Variants in HDAC4 observed in about 807,000 individuals in gnomAD.
HDAC4 encodes the protein histone deacetylase 4.
Under a neutral mutation model 135.1 loss-of-function variants are expected in HDAC4, and 16 were observed. That is an observed-to-expected ratio of 0.12 (90% CI 0.08 to 0.18). The LOEUF (loss-of-function observed/expected upper bound fraction) is 0.18, where lower values mean the gene tolerates loss of function less well. HDAC4 is among the 10% of genes least tolerant of loss of function. The pLI, the probability that HDAC4 is intolerant of heterozygous loss-of-function variation, is 1.00. For missense variants in HDAC4, 1,143 were observed against 1,511.8 expected, an observed-to-expected ratio of 0.76 and a Z score of 4.05; for synonymous variants, 685 against 653.4, an observed-to-expected ratio of 1.05 and a Z score of -0.74.
intron 12 of HDAC4, among the ~76,000 whole-genome samples, chr2:239,120,166 C>T (rs771915478): frequency 6.6e-6 from 1 of 152,210 alleles, no homozygotes; most frequent in African/African-American, 2.4e-5. Flanking sequence ...CAAGAAAGTG[C>T]AGATTCGAGT....
intron 24 of HDAC4, among the ~76,000 whole-genome samples, chr2:239,059,627 T>C (rs1203370142): frequency 6.6e-6 from 1 of 152,230 alleles, no homozygotes; most frequent in Non-Finnish European, 1.5e-5. Flanking sequence ...TCAATAGACC[T>C]ATAACCATTA....
chr2:239,108,737 CACATATGCTAGAAA>C (rs2038386100), intron 14 of HDAC4, among the ~76,000 whole-genome samples: 2 of 152,220 alleles, frequency 1.3e-5, no homozygotes, highest in African/African-American at 4.8e-5. Context: ...GGGACTGGAA[CACATATGCTAGAAA>C]ACACACGCAA....
rs371881447 is a variant in HDAC4, at chr2:239,101,743, C to T, written c.2233+1033G>A. The stretch of plus-strand genomic sequence containing the variant: ...CCCTGGGATCCCCCATCCCCAGGTC[C>T]GTGTTCTGTGCCCTGGGATCCCCTG... On this transcript the variant is annotated intron_variant, in intron 16 of 26. Transcript: ENST00000543185. 8.5e-5 allele frequency among the ~76,000 whole-genome samples: 13 copies of T among 152,182 alleles called. No homozygotes were observed. The East Asian group carries it at 1.9e-3, about 23-fold the overall frequency.
intron 22 of HDAC4, among the ~76,000 whole-genome samples, chr2:239,073,493 T>A (rs2034411422): frequency 6.6e-6 from 1 of 152,222 alleles, no homozygotes; most frequent in Admixed American, 6.5e-5. Context: ...TGCATCGGCG[T>A]GCGAGCGTCC....
chr2:239,122,750 C>T (rs546960262), intron 12 of HDAC4, among the ~76,000 whole-genome samples: 1 of 152,204 alleles, frequency 6.6e-6, no homozygotes, highest in African/African-American at 2.4e-5. Flanking sequence ...AGGCACGGGC[C>T]GCCTCTCTTT....
chr2:239,268,183 G>A (rs2049854281), intron 2 of HDAC4, among the ~76,000 whole-genome samples: 1 of 152,268 alleles, frequency 6.6e-6, no homozygotes, highest in African/African-American at 2.4e-5. Context: ...AATGGGTGCT[G>A]GAGGAAGTGA....
intron 24 of HDAC4, among the ~76,000 whole-genome samples, chr2:239,063,078 T>G (rs1402224194): frequency 6.6e-6 from 1 of 152,162 alleles, no homozygotes; most frequent in Non-Finnish European, 1.5e-5. Context: ...TTGGCACACA[T>G]GGGGTCTCGC....
intron 7 of HDAC4, among the ~76,000 whole-genome samples, chr2:239,144,998 T>C (rs2041658215): frequency 6.6e-6 from 1 of 152,172 alleles, no homozygotes; most frequent in Admixed American, 6.5e-5. Context: ...GCCACCACTG[T>C]TTACCAGGAG....
At chr2:239,174,450 T>A (rs931263319) in intron 5 of HDAC4, among the ~76,000 whole-genome samples, 1 of 152,178 alleles carries the variant, frequency 6.6e-6, no homozygotes, top group South Asian at 2.1e-4. Flanking sequence ...ATCAAAGAAA[T>A]GTAGCTGAGG....
chr2:239,323,377 G>C (rs926096096), intron 2 of HDAC4, among the ~76,000 whole-genome samples: 2 of 152,166 alleles, frequency 1.3e-5, no homozygotes, highest in Non-Finnish European at 2.9e-5. Flanking sequence ...AGGGTAAAGA[G>C]AGCATTTTCC....
chr2:239,398,752 A>C (rs1354364543), intron 1 of HDAC4, among the ~76,000 whole-genome samples: 2 of 152,242 alleles, frequency 1.3e-5, no homozygotes, highest in African/African-American at 4.8e-5. Flanking sequence ...CTCCGAGGCC[A>C]CATCTGTCCT....
chr2:239,124,577 G>A (rs938282512), intron 12 of HDAC4, among the ~76,000 whole-genome samples: 43 of 130,852 alleles, frequency 3.3e-4, no homozygotes, highest in African/African-American at 1.5e-3. Context: ...CCAGTGTGCC[G>A]GCATGTGGCC....
intron 22 of HDAC4, among the ~76,000 whole-genome samples, chr2:239,076,213 T>C (rs1021599753): frequency 4.6e-5 from 7 of 151,258 alleles, no homozygotes; most frequent in African/African-American, 1.7e-4. Flanking sequence ...AGGCGGGTGT[T>C]GGCCACGCCC....
At position 239,053,457 on chromosome 2, in the gene HDAC4, C is replaced by T; in HGVS notation, c.3230+3G>A. ...GCAGGCGGGCGGCAGGGCAGGTGCT[C>T]ACCTCTTTTCGGCGGGCTTCACGCC... On this transcript the variant is annotated splice_donor_region_variant and intron_variant, in intron 26 of 26. Transcript: ENST00000543185. 6.2e-7 allele frequency: 1 copy of T among 1,612,472 alleles called. No homozygotes were observed. The highest frequency in any genetic ancestry group is 1.7e-4 in the Middle Eastern group (1 of 6,024).
chr2:239,143,645 C>T (rs1275696628), intron 8 of HDAC4, among the ~76,000 whole-genome samples: 2 of 152,222 alleles, frequency 1.3e-5, no homozygotes, highest in Non-Finnish European at 2.9e-5. Context: ...GAGAAACAGG[C>T]AGGGCCCTGT....
chr2:239,300,619 T>G (rs958687955), intron 2 of HDAC4, among the ~76,000 whole-genome samples: 2 of 151,890 alleles, frequency 1.3e-5, no homozygotes, highest in Admixed American at 6.6e-5. Flanking sequence ...TTGACTCTGC[T>G]CCACCCATGT....
Position 239,176,512 on chromosome 2 carries a change from G to T in HDAC4, c.391C>A (p.Gln131Lys), listed in dbSNP as rs1202361013. The T allele has an allele frequency of 8.1e-6, 13 of 1,613,354 alleles. No individual in the cohort carries two copies. The highest frequency in any genetic ancestry group is 1.6e-4 in the Middle Eastern group (1 of 6,070). The change falls in exon 5 of 27, where the codon CAG (glutamine) becomes AAG (lysine). Residue 131 changes from glutamine to lysine, a missense_variant. Gln to Lys is a moderately conservative substitution (Grantham distance 53). Coordinates refer to ENST00000543185, the MANE Select transcript of HDAC4 (RefSeq NM_001378414.1). ...TGGCGGTGCCTCTCCAGCTTCCGCT[G>T]GTGTTCCAGCAGCTCCTGCTGGTGC... ...MKHQQELLEH[Q>K]RKLERHRQEQ...
intron 6 of HDAC4, chr2:239,161,975 C>T (rs2042823911): frequency 5.1e-6 from 2 of 394,056 alleles, no homozygotes; most frequent in Non-Finnish European, 1.0e-5. Flanking sequence ...GTCCAGGCCA[C>T]TGCCCGGCTT....
At position 239,331,951 on chromosome 2, in the gene HDAC4, C is replaced by T. The variant is rs1464837272; in HGVS notation, c.22+20727G>A. Among the ~76,000 whole-genome samples the T allele has an allele frequency of 6.6e-6, 1 of 152,142 alleles. No individual in the cohort carries two copies. The highest frequency in any genetic ancestry group is 2.4e-5 in the African/African-American group (1 of 41,428). ...GCAACACGGACCTGACCAGTCCTCACAGAATCCGCAGCTTGAGCGTAAGAA... is the reference window on the plus strand; with the variant it reads ...GCAACACGGACCTGACCAGTCCTCATAGAATCCGCAGCTTGAGCGTAAGAA... On this transcript the variant is annotated intron_variant, in intron 2 of 26. Transcript: ENST00000543185. The surrounding 1 kb of genome is among the most constrained non-coding windows in gnomAD (Gnocchi z 4.5).
Sources: gnomAD v4.1 joint callset for allele counts (sites outside exome capture counted in the v4.1 genomes callset) on GRCh38, gnomAD v4.1.1 for gene constraint, Gnocchi (gnomAD v3.1) non-coding constraint, MANE v1.5 for transcripts, NCBI Gene and HGNC (gene_info 2026-07-23, HGNC 2026-07-21) for gene names.